POU2F1: variants seen among roughly 807,000 people sequenced by gnomAD.
POU2F1 encodes POU domain, class 2, transcription factor 1.
Under a neutral mutation model 84.9 loss-of-function variants are expected in POU2F1, and 16 were observed. The ratio of observed to expected loss-of-function variants is 0.19; its 90% CI spans 0.13 to 0.29. The LOEUF is 0.29. Ranked by LOEUF, POU2F1 falls within the 10% of genes least tolerant of loss-of-function variation. The probability of loss-of-function intolerance (pLI) is 1.00; values close to 1 mark genes in which losing one functional copy is unlikely to be tolerated. For synonymous variants in POU2F1, 368 were observed against 368.3 expected, an observed-to-expected ratio of 1.00 and a Z score of 0.01; for missense variants, 738 against 942.6, an observed-to-expected ratio of 0.78 and a Z score of 2.84.
At chr1:167,225,496 A>G (rs1180716403) in intron 1 of POU2F1, among the ~76,000 whole-genome samples, 1 of 152,254 alleles carries the variant, frequency 6.6e-6, no homozygotes, top group African/African-American at 2.4e-5. Context: ...GTAATTGTCA[A>G]TCTGCCATTC....
At chr1:167,342,406 T>G (rs1476726336) in intron 2 of POU2F1, among the ~76,000 whole-genome samples, 4 of 152,214 alleles carry the variant, frequency 2.6e-5, no homozygotes, top group Non-Finnish European at 5.9e-5. Flanking sequence ...TAACCAGTGA[T>G]GTTATTAATT....
intron 4 of POU2F1, 121 bp downstream of exon 4, chr1:167,370,335 A>C (rs1051413125): frequency 1.4e-6 from 1 of 718,846 alleles, no homozygotes; most frequent in African/African-American, 1.8e-5. Context: ...AAAATTAGTG[A>C]ATCTCGTGAA....
At chr1:167,225,048 C>T (rs1211708234) in intron 1 of POU2F1, among the ~76,000 whole-genome samples, 1 of 151,894 alleles carries the variant, frequency 6.6e-6, no homozygotes, top group African/African-American at 2.4e-5. Flanking sequence ...AGGCTGGTCT[C>T]GAACTCCTGA....
chr1:167,281,149 G>A (rs959028108), intron 1 of POU2F1, among the ~76,000 whole-genome samples: 2 of 152,112 alleles, frequency 1.3e-5, no homozygotes, highest in Non-Finnish European at 2.9e-5. Context: ...TTTATAGACC[G>A]GTCTTAACTT....
chr1:167,283,312 A>G (rs1221265807), intron 1 of POU2F1, among the ~76,000 whole-genome samples: 1 of 152,144 alleles, frequency 6.6e-6, no homozygotes, highest in Non-Finnish European at 1.5e-5. Context: ...AGGAGGAAAA[A>G]AAAAAGAGGA....
rs142747556 is a variant in POU2F1, at chr1:167,407,942, A to G, written c.1556-4017A>G. Among the ~76,000 whole-genome samples, 234 of 152,370 alleles carry G rather than the reference A, an allele frequency of 1.5e-3. 3 individuals are homozygous for G. The highest frequency in any genetic ancestry group is 5.2e-3 in the South Asian group (25 of 4,830). On this transcript the variant is annotated intron_variant, in intron 13 of 15. Transcript: ENST00000367866. ...CAAAAGTAAAATCTTTTGTGCTTCA[A>G]AAGCCACAGACTGAGAGAAAACATT...
At chr1:167,325,918 C>T (rs576759388) in intron 1 of POU2F1, among the ~76,000 whole-genome samples, 52 of 151,596 alleles carry the variant, frequency 3.4e-4, no homozygotes, top group South Asian at 1.9e-3. Flanking sequence ...TAGTGTTAAC[C>T]GTGAATTCTG....
At chr1:167,325,620 G>A (rs1194683230) in intron 1 of POU2F1, among the ~76,000 whole-genome samples, 2 of 152,120 alleles carry the variant, frequency 1.3e-5, no homozygotes, top group African/African-American at 4.8e-5. Flanking sequence ...GGCTGGGCAT[G>A]GTGGCTCATG....
intron 1 of POU2F1, among the ~76,000 whole-genome samples, chr1:167,303,739 T>C: frequency 6.6e-6 from 1 of 152,140 alleles, no homozygotes; most frequent in South Asian, 2.1e-4. Context: ...ATTGATATGA[T>C]GGAGTGATGC....
chr1:167,221,510 C>G (rs1364880362), intron 1 of POU2F1, among the ~76,000 whole-genome samples: 1 of 149,044 alleles, frequency 6.7e-6, no homozygotes, highest in East Asian at 2.0e-4. Context: ...GGAGCGGACC[C>G]CGGCGGCCGG....
intron 2 of POU2F1, among the ~76,000 whole-genome samples, chr1:167,352,375 TTC>T (rs1277289206): frequency 2.6e-5 from 4 of 152,222 alleles, no homozygotes; most frequent in African/African-American, 7.2e-5. Flanking sequence ...AAGGCCAGAA[TTC>T]TACTACTTTG....
chr1:167,425,996 A>G lies in POU2F1; in HGVS notation c.*10186A>G, dbSNP rs1262105178. 2 of 132,202 alleles carry G rather than the reference A, an allele frequency of 1.5e-5. No homozygotes were observed. Among genetic ancestry groups the G allele is most frequent in the Non-Finnish European group, 3.2e-5 (2 of 63,248 alleles). 8.2% of individuals were successfully genotyped at this position (132,202 alleles called of 1,614,324 possible). On this transcript the variant is annotated 3_prime_UTR_variant, in exon 16 of 16. Transcript: ENST00000367866. ...GATTGCAAATGAAGGAACTTTTTACATGGATCTTTTTAATCTCAGTTGGTT... is the reference window on the plus strand; with the variant it reads ...GATTGCAAATGAAGGAACTTTTTACGTGGATCTTTTTAATCTCAGTTGGTT...
intron 1 of POU2F1, among the ~76,000 whole-genome samples, chr1:167,318,137 A>G (rs1030828702): frequency 1.3e-5 from 2 of 152,194 alleles, no homozygotes; most frequent in African/African-American, 2.4e-5. Flanking sequence ...ATATCCAAAG[A>G]CAAGTTTGTA....
At chr1:167,257,436 T>G (rs1271375022) in intron 1 of POU2F1, among the ~76,000 whole-genome samples, 2 of 152,198 alleles carry the variant, frequency 1.3e-5, no homozygotes, top group African/African-American at 4.8e-5. Flanking sequence ...TATAATTCTT[T>G]CCCCAGAAAT....
At chr1:167,222,433 C>G (rs958454717) in intron 1 of POU2F1, among the ~76,000 whole-genome samples, 2 of 152,150 alleles carry the variant, frequency 1.3e-5, no homozygotes, top group African/African-American at 4.8e-5. Flanking sequence ...CAGCCCAACG[C>G]CGTGTTTATA....
At chr1:167,259,854 C>G (rs1370680327) in intron 1 of POU2F1, among the ~76,000 whole-genome samples, 1 of 151,546 alleles carries the variant, frequency 6.6e-6, no homozygotes, top group Non-Finnish European at 1.5e-5. Flanking sequence ...TATTAAGTAT[C>G]TTTTCATATG....
At chr1:167,364,808 A>G (rs904159389) in intron 2 of POU2F1, among the ~76,000 whole-genome samples, 2 of 152,074 alleles carry the variant, frequency 1.3e-5, no homozygotes, top group South Asian at 2.1e-4. Context: ...AGCTCAAGCC[A>G]TCTACCCACC....
At chr1:167,297,397 T>A (rs1317895688) in intron 1 of POU2F1, among the ~76,000 whole-genome samples, 1 of 152,238 alleles carries the variant, frequency 6.6e-6, no homozygotes, top group Non-Finnish European at 1.5e-5. Flanking sequence ...GTTTGGACTC[T>A]GCACTTCTGT....
intron 1 of POU2F1, among the ~76,000 whole-genome samples, chr1:167,262,795 G>A (rs1651667517): frequency 6.6e-6 from 1 of 152,132 alleles, no homozygotes; most frequent in Admixed American, 6.5e-5. Context: ...GGAGGGTGGG[G>A]TTGCATTTAA....
Sources: allele counts gnomAD v4.1 joint callset (sites outside exome capture counted in the v4.1 genomes callset), GRCh38; gene constraint gnomAD v4.1.1; transcripts MANE v1.5; gene names NCBI Gene and HGNC (gene_info 2026-07-23, HGNC 2026-07-21).